SLC30A8: variants seen among roughly 807,000 people sequenced by gnomAD.
SLC30A8 encodes proton-coupled zinc antiporter SLC30A8.
Under a neutral mutation model 36.9 loss-of-function variants are expected in SLC30A8, and 27 were observed. That is an observed-to-expected ratio of 0.73 (90% CI 0.54 to 1.01). The LOEUF (loss-of-function observed/expected upper bound fraction) is 1.01. Ranked by LOEUF, SLC30A8 falls within the 50% of genes least tolerant of loss-of-function variation. The probability of loss-of-function intolerance (pLI) is 0.00; values close to 1 mark genes in which losing one functional copy is unlikely to be tolerated. For synonymous variants in SLC30A8, 164 were observed against 172.4 expected (o/e 0.95, Z 0.38); for missense variants, 439 against 452.0 (o/e 0.97, Z 0.26).
intron 2 of SLC30A8, among the ~76,000 whole-genome samples, chr8:117,066,826 A>G (rs1445371696): frequency 6.6e-6 from 1 of 152,164 alleles, no homozygotes; most frequent in African/African-American, 2.4e-5. Context: ...ATTTGGAAAG[A>G]CAAAACTGAG....
chr8:117,030,588 A>G (rs1475395031), intron 1 of SLC30A8, among the ~76,000 whole-genome samples: 1 of 152,202 alleles, frequency 6.6e-6, no homozygotes, highest in Non-Finnish European at 1.5e-5. Flanking sequence ...AGTGTTAAAT[A>G]TGACAGATTT....
chr8:116,983,725 C>T (rs1815350608), intron 1 of SLC30A8, among the ~76,000 whole-genome samples: 1 of 151,820 alleles, frequency 6.6e-6, no homozygotes, highest in Non-Finnish European at 1.5e-5. Context: ...AATGCTTTTT[C>T]ATTTGATTCC....
intron 2 of SLC30A8, among the ~76,000 whole-genome samples, chr8:117,093,253 G>T (rs1039688066): frequency 3.3e-5 from 5 of 151,920 alleles, no homozygotes; most frequent in African/African-American, 1.2e-4. Flanking sequence ...TGGCTTGACA[G>T]CTTCTGGACC....
At chr8:116,954,962 T>TA (rs1043617530) in intron 1 of SLC30A8, among the ~76,000 whole-genome samples, 1 of 152,228 alleles carries the variant, frequency 6.6e-6, no homozygotes, top group Non-Finnish European at 1.5e-5. Flanking sequence ...CATCCATTGT[T>TA]ATAAGTGGGC....
intron 1 of SLC30A8, among the ~76,000 whole-genome samples, chr8:117,031,467 C>CT (rs1196166644): frequency 0.014 from 2,051 of 143,344 alleles, 46 homozygotes; most frequent in African/African-American, 0.047. Flanking sequence ...TTCTTCTTTT[C>CT]TTTTTTTTTT....
intron 2 of SLC30A8, chr8:117,055,757 T>A (rs970902847): frequency 6.6e-6 from 1 of 152,246 alleles, no homozygotes; most frequent in Non-Finnish European, 1.5e-5. Context: ...TACACGTGTA[T>A]GTCCTTCAGT....
intron 1 of SLC30A8, among the ~76,000 whole-genome samples, chr8:116,962,603 A>G (rs938053286): frequency 1.3e-5 from 2 of 151,956 alleles, no homozygotes; most frequent in Non-Finnish European, 2.9e-5. Flanking sequence ...TCACTAGTTG[A>G]TTCGTTTTCA....
At chr8:117,020,319 CTAAAT>C (rs1355043127) in intron 1 of SLC30A8, among the ~76,000 whole-genome samples, 1 of 151,978 alleles carries the variant, frequency 6.6e-6, no homozygotes, top group Non-Finnish European at 1.5e-5. Context: ...CAAATATAAA[CTAAAT>C]TAACTATCGT....
chr8:117,071,711 G>C (rs1256194918), intron 2 of SLC30A8, among the ~76,000 whole-genome samples: 1 of 151,952 alleles, frequency 6.6e-6, no homozygotes, highest in African/African-American at 2.4e-5. Flanking sequence ...AATTGGTTTT[G>C]AGTTGATTTT....
At chr8:117,039,591 G>A (rs544998650) in intron 2 of SLC30A8, among the ~76,000 whole-genome samples, 1 of 152,130 alleles carries the variant, frequency 6.6e-6, no homozygotes. Flanking sequence ...TCTTTCACTA[G>A]TGCCTCCAAC....
intron 1 of SLC30A8, among the ~76,000 whole-genome samples, chr8:116,976,818 C>CTTTTCTTTTCT (rs1554620309): frequency 1.5e-5 from 2 of 134,646 alleles, no homozygotes; most frequent in African/African-American, 6.3e-5. Context: ...TTCTTTCTTT[C>CTTTTCTTTTCT]TTTCTTTTTT....
At chr8:117,097,017 AT>A (rs1819393777) in intron 2 of SLC30A8, among the ~76,000 whole-genome samples, 1 of 152,106 alleles carries the variant, frequency 6.6e-6, no homozygotes, top group South Asian at 2.1e-4. Flanking sequence ...AAATAAATGA[AT>A]AGAGTCATCC....
At chr8:117,136,994 A>C (rs1821395654) in intron 1 of SLC30A8, among the ~76,000 whole-genome samples, 1 of 152,066 alleles carries the variant, frequency 6.6e-6, no homozygotes. Flanking sequence ...TGAATGCCAG[A>C]TAGAACAAAT....
At chr8:117,076,512 G>A (rs1415053751) in intron 2 of SLC30A8, among the ~76,000 whole-genome samples, 1 of 151,920 alleles carries the variant, frequency 6.6e-6, no homozygotes, top group Non-Finnish European at 1.5e-5. Context: ...CTACCCCCTT[G>A]TCTTGTACTC....
chr8:116,970,784 T>C (rs936305227), intron 1 of SLC30A8, among the ~76,000 whole-genome samples: 1 of 152,196 alleles, frequency 6.6e-6, no homozygotes, highest in East Asian at 1.9e-4. Flanking sequence ...TAGCTATTTT[T>C]TTTATTACTG....
At chr8:117,091,738 A>G (rs922298837) in intron 2 of SLC30A8, among the ~76,000 whole-genome samples, 2 of 152,210 alleles carry the variant, frequency 1.3e-5, no homozygotes, top group African/African-American at 4.8e-5. Context: ...TCTAGCCACA[A>G]TATATATGTG....
chr8:117,089,613 T>A (rs1193681347), intron 2 of SLC30A8, among the ~76,000 whole-genome samples: 1 of 152,206 alleles, frequency 6.6e-6, no homozygotes, highest in Non-Finnish European at 1.5e-5. Flanking sequence ...ATCTGGATTA[T>A]GGCAAGGCTC....
chr8:117,035,312 C>T (rs1163539177), intron 1 of SLC30A8, among the ~76,000 whole-genome samples: 1 of 152,204 alleles, frequency 6.6e-6, no homozygotes, highest in Admixed American at 6.5e-5. Context: ...TGTATAAATG[C>T]TCCCATTCCA....
At chr8:117,039,758 C>T (rs558632070) in intron 2 of SLC30A8, among the ~76,000 whole-genome samples, 9 of 152,146 alleles carry the variant, frequency 5.9e-5, no homozygotes, top group African/African-American at 9.7e-5. Context: ...ATGTTTTTAG[C>T]TTTTCTGTAT....
Sources: gnomAD v4.1 joint callset for allele counts (sites outside exome capture counted in the v4.1 genomes callset) on GRCh38, gnomAD v4.1.1 for gene constraint, MANE v1.5 for transcripts, NCBI Gene and HGNC (gene_info 2026-07-23, HGNC 2026-07-21) for gene names.